The following CSMD1 variants were observed in gnomAD, a reference collection of about 807,000 sequenced individuals.
CSMD1 encodes CUB and sushi domain-containing protein 1.
A neutral mutation model predicts 417.5 loss-of-function variants in CSMD1; 213 were observed. The observed-to-expected ratio is 0.51, with a 90% CI of 0.46 to 0.57. The LOEUF is 0.57. Among genes scored for constraint, CSMD1 ranks in the 20% least tolerant of loss-of-function variants. The pLI is 0.00. For synonymous variants in CSMD1, 2,862 were observed against 1,736.8 expected (o/e 1.65, Z -16.11); for missense variants, 6,923 against 4,529.7 (o/e 1.53, Z -15.17).
chr8:4,820,943 C>T (rs1422933640), intron 1 of CSMD1, among the ~76,000 whole-genome samples: 1 of 152,146 alleles, frequency 6.6e-6, no homozygotes, highest in Non-Finnish European at 1.5e-5. Context: ...TTCCATCTTT[C>T]CTCAAGCTTT....
intron 1 of CSMD1, among the ~76,000 whole-genome samples, chr8:4,884,920 G>A (rs1266729100): frequency 2.6e-5 from 4 of 152,056 alleles, no homozygotes; most frequent in African/African-American, 9.7e-5. Context: ...GTATTGCATT[G>A]AAGCTTCAGC....
chr8:3,923,741 T>C (rs1045594689), intron 5 of CSMD1, among the ~76,000 whole-genome samples: 1 of 152,194 alleles, frequency 6.6e-6, no homozygotes, highest in Non-Finnish European at 1.5e-5. Flanking sequence ...ACTGAAACTT[T>C]ATACCCTTTG....
At chr8:3,479,460 A>G (rs1817610516) in intron 11 of CSMD1, among the ~76,000 whole-genome samples, 1 of 152,158 alleles carries the variant, frequency 6.6e-6, no homozygotes, top group East Asian at 1.9e-4. Flanking sequence ...TTGTACTTTT[A>G]GTACATATGG....
At chr8:3,893,683 C>G (rs1807150562) in intron 5 of CSMD1, among the ~76,000 whole-genome samples, 1 of 151,892 alleles carries the variant, frequency 6.6e-6, no homozygotes, top group African/African-American at 2.4e-5. Flanking sequence ...GTCCTCAAAA[C>G]ACAACAACCG....
At chr8:3,829,753 C>T (rs1244059678) in intron 5 of CSMD1, among the ~76,000 whole-genome samples, 1 of 152,094 alleles carries the variant, frequency 6.6e-6, no homozygotes, top group African/African-American at 2.4e-5. Context: ...CATTATACCC[C>T]AATTATGTGA....
Position 3,883,565 on chromosome 8 carries a change from C to T in CSMD1, c.818+114338G>A, listed in dbSNP as rs187849064. ...TAATAACTAAAGCAGTGAACTGATG[C>T]CTTCAAGGAATAGTTTGCAAAAATT... On this transcript the variant is annotated intron_variant, in intron 5 of 69. Transcript: ENST00000635120. Among the ~76,000 whole-genome samples the T allele has an allele frequency of 4.1e-4, 63 of 152,140 alleles. 1 individual carries two copies. Among genetic ancestry groups the T allele is most frequent in the Non-Finnish European group, 3.8e-4 (26 of 67,990 alleles).
At chr8:4,050,096 G>A (rs899625003) in intron 3 of CSMD1, among the ~76,000 whole-genome samples, 1 of 152,122 alleles carries the variant, frequency 6.6e-6, no homozygotes, top group Non-Finnish European at 1.5e-5. Flanking sequence ...GCACCAGGTT[G>A]TGGGTTGTTG....
At position 4,740,457 on chromosome 8, in the gene CSMD1, G is replaced by C. The variant is rs551244753; in HGVS notation, c.86-102899C>G. Among the ~76,000 whole-genome samples, 27 of 152,290 alleles carry C rather than the reference G, an allele frequency of 1.8e-4. No individual in the cohort carries two copies. In the South Asian group the frequency reaches 5.0e-3, roughly 28 times the overall value. The stretch of plus-strand genomic sequence containing the variant: ...CAACACTGAATGCAATCCTAGGGTA[G>C]AGACAGGCTGGGATGTGTTTAGAGG... On this transcript the variant is annotated intron_variant, in intron 1 of 69. Coordinates refer to ENST00000635120, the MANE Select transcript of CSMD1 (RefSeq NM_033225.6).
Position 4,016,900 on chromosome 8 carries a change from A to T in CSMD1, c.610+15005T>A, listed in dbSNP as rs776783688. On this transcript the variant is annotated intron_variant, in intron 4 of 69. Transcript: ENST00000635120. Reference sequence around the variant, plus strand: ...ATGGTTCACAATCCTGAAAAACACAATCCCAAATGCCATAATCCCAATTGT... The same window carrying T: ...ATGGTTCACAATCCTGAAAAACACATTCCCAAATGCCATAATCCCAATTGT... 5.9e-5 allele frequency among the ~76,000 whole-genome samples: 9 copies of T among 152,324 alleles called. No individual in the cohort carries two copies. The East Asian group carries it at 1.7e-3, about 29-fold the overall frequency.
At chr8:4,089,400 G>C (rs10104754) in intron 3 of CSMD1, among the ~76,000 whole-genome samples, 4,462 of 152,208 alleles carry the variant, frequency 0.029, 205 homozygotes, top group African/African-American at 0.1. Flanking sequence ...AAGAAAATTA[G>C]TAAATGGTAC....
intron 18 of CSMD1, among the ~76,000 whole-genome samples, chr8:3,372,797 T>C (rs926477889): frequency 2.0e-5 from 3 of 151,804 alleles, no homozygotes; most frequent in Non-Finnish European, 2.9e-5. Context: ...TGGAAGAGGG[T>C]TGAGCAAGGG....
At chr8:3,882,219 G>C (rs919670259) in intron 5 of CSMD1, among the ~76,000 whole-genome samples, 1 of 151,486 alleles carries the variant, frequency 6.6e-6, no homozygotes, top group Non-Finnish European at 1.5e-5. Context: ...AACCCATAAA[G>C]TGGAAAAAAA....
intron 5 of CSMD1, among the ~76,000 whole-genome samples, chr8:3,791,351 A>C (rs900314001): frequency 6.6e-6 from 1 of 152,202 alleles, no homozygotes; most frequent in African/African-American, 2.4e-5. Flanking sequence ...ACCTGAAACA[A>C]TGTGAAAAAA....
rs1051419952 is a variant in CSMD1 at position 3,308,399 on chromosome 8, G to A, written c.3736C>T (p.Pro1246Ser). Residue 1246 changes from proline (P) to serine (S), a missense_variant, in exon 24 of 70, where the codon CCG becomes TCG. Coordinates refer to ENST00000635120, the MANE Select transcript of CSMD1 (RefSeq NM_033225.6). ...TTGCTGCCATGCATGGCGTACCCCG[G>A]GTTGCAACTGTACAGAACTACAGTG... ...TDTVVLYSCN[P>S]GYAMHGSNTL... 6.2e-7 allele frequency: 1 copy of A among 1,613,828 alleles called. No individual in the cohort carries two copies. The highest frequency in any genetic ancestry group is 1.7e-5 in the Admixed American group (1 of 60,008).
At chr8:3,525,492 A>G (rs565665036) in intron 10 of CSMD1, among the ~76,000 whole-genome samples, 3 of 152,210 alleles carry the variant, frequency 2.0e-5, no homozygotes, top group Admixed American at 6.5e-5. Flanking sequence ...ATCCTCCGTG[A>G]TAAGAAACGC....
intron 5 of CSMD1, among the ~76,000 whole-genome samples, chr8:3,978,323 G>A (rs914988628): frequency 8.5e-5 from 13 of 152,142 alleles, no homozygotes; most frequent in African/African-American, 2.6e-4. Flanking sequence ...GTTCCCACAT[G>A]GCTCTCTTTT....
At chr8:4,124,867 G>T (rs894888684) in intron 3 of CSMD1, among the ~76,000 whole-genome samples, 3 of 152,050 alleles carry the variant, frequency 2.0e-5, no homozygotes, top group Non-Finnish European at 4.4e-5. Context: ...AACTCTATAG[G>T]ACAGAAAAAG....
chr8:3,485,995 A>AT (rs1554439501), intron 11 of CSMD1, among the ~76,000 whole-genome samples: 3 of 152,010 alleles, frequency 2.0e-5, no homozygotes, highest in East Asian at 1.9e-4. Context: ...ATTAGGCAGC[A>AT]TTTTTTTCCT....
At chr8:4,725,432 TG>T (rs1809364637) in intron 1 of CSMD1, among the ~76,000 whole-genome samples, 1 of 152,192 alleles carries the variant, frequency 6.6e-6, no homozygotes, top group Non-Finnish European at 1.5e-5. Context: ...TTATGGTTGT[TG>T]TTCTCCATTT....
Sources: gnomAD v4.1 joint callset for allele counts (sites outside exome capture counted in the v4.1 genomes callset) on GRCh38, gnomAD v4.1.1 for gene constraint, MANE v1.5 for transcripts, NCBI Gene and HGNC (gene_info 2026-07-23, HGNC 2026-07-21) for gene names.